Variants in RGS22 observed in about 807,000 individuals in gnomAD.
RGS22 encodes regulator of G protein signaling 22.
A neutral mutation model predicts 172.9 loss-of-function variants in RGS22; 148 were observed. The ratio of observed to expected loss-of-function variants is 0.86; its 90% CI spans 0.75 to 0.98. RGS22 has a LOEUF of 0.98. Among genes scored for constraint, RGS22 ranks in the 50% least tolerant of loss-of-function variants. The pLI, the probability that RGS22 is intolerant of heterozygous loss-of-function variation, is 0.00. For missense variants in RGS22, 1,347 were observed against 1,440.8 expected, an observed-to-expected ratio of 0.93 and a Z score of 1.05; for synonymous variants, 458 against 480.2, an observed-to-expected ratio of 0.95 and a Z score of 0.60.
At chr8:99,977,162 G>GGCAT (rs1365805555) in intron 23 of RGS22, among the ~76,000 whole-genome samples, 1 of 151,698 alleles carries the variant, frequency 6.6e-6, no homozygotes, top group Non-Finnish European at 1.5e-5. Flanking sequence ...AGAGTGTAGT[G>GGCAT]GCATAATCTT....
At chr8:100,047,646 A>C in intron 10 of RGS22, 50 bp from the exon 11 acceptor site, 1 of 1,515,220 alleles carries the variant, frequency 6.6e-7, no homozygotes, top group Non-Finnish European at 8.8e-7. Context: ...AAAAAAGCAC[A>C]GCTCTGCACC....
At chr8:100,010,740 A>T (rs1213932131) in intron 14 of RGS22, among the ~76,000 whole-genome samples, 1 of 152,158 alleles carries the variant, frequency 6.6e-6, no homozygotes, top group Non-Finnish European at 1.5e-5. Flanking sequence ...AATCCCTAGA[A>T]AAGACTCATT....
In RGS22 at chr8:100,041,480, ACT is replaced by A. The variant is rs535076287; in HGVS notation, c.1938+320_1938+321del. Among the ~76,000 whole-genome samples the A allele has an allele frequency of 2.1e-3, 264 of 127,194 alleles. 4 individuals are homozygous for A. Among genetic ancestry groups the A allele is most frequent in the Non-Finnish European group, 1.9e-3 (116 of 61,172 alleles). 83.4% of individuals were successfully genotyped at this position (127,194 alleles called of 152,430 possible). On this transcript the variant is annotated intron_variant, in intron 12 of 27. Coordinates refer to ENST00000360863, the MANE Select transcript of RGS22 (RefSeq NM_015668.5). ...ACTCCAGCCTGGGCAACAGAGCAAG[ACT>A]CTATCTCAAAAAAAAAAAAAAATTC...
chr8:100,084,257 C>G (rs771692783), intron 3 of RGS22, among the ~76,000 whole-genome samples: 5 of 152,148 alleles, frequency 3.3e-5, no homozygotes, highest in Non-Finnish European at 7.3e-5. Flanking sequence ...CTCCCTACAG[C>G]TACGATTTCA....
At chr8:100,064,228 G>A (rs1810377302) in intron 7 of RGS22, among the ~76,000 whole-genome samples, 185 bp from the exon 8 acceptor site, 1 of 152,162 alleles carries the variant, frequency 6.6e-6, no homozygotes, top group Non-Finnish European at 1.5e-5. Flanking sequence ...AGCACTTTGG[G>A]AGGCCATGGT....
intron 3 of RGS22, among the ~76,000 whole-genome samples, chr8:100,082,558 C>T (rs2131917276): frequency 6.6e-6 from 1 of 152,292 alleles, no homozygotes; most frequent in Non-Finnish European, 1.5e-5. Context: ...CTCTTGAATC[C>T]TTCCACATTC....
intron 15 of RGS22, among the ~76,000 whole-genome samples, chr8:100,008,147 C>G (rs938381315): frequency 2.6e-5 from 4 of 151,792 alleles, no homozygotes; most frequent in African/African-American, 9.7e-5. Context: ...AAGCAATTCT[C>G]CTGCCTCAGA....
intron 20 of RGS22, among the ~76,000 whole-genome samples, chr8:99,990,093 A>G (rs941844980): frequency 2.6e-5 from 4 of 152,148 alleles, no homozygotes; most frequent in African/African-American, 9.7e-5. Context: ...AGAAAAATAC[A>G]TACTTAAGGC....
chr8:100,098,880 T>C (rs1205226304), intron 2 of RGS22, among the ~76,000 whole-genome samples: 1 of 56,960 alleles, frequency 1.8e-5, no homozygotes, highest in African/African-American at 9.9e-5. Flanking sequence ...TATTTTATTT[T>C]ATTTTATTTT....
chr8:100,025,754 A>G (rs758326246), intron 14 of RGS22, among the ~76,000 whole-genome samples: 4 of 152,232 alleles, frequency 2.6e-5, no homozygotes, highest in Non-Finnish European at 5.9e-5. Flanking sequence ...CTTATGCCAT[A>G]AAGTTTTTTC....
intron 4 of RGS22, among the ~76,000 whole-genome samples, chr8:100,073,688 C>T (rs953514858): frequency 7.2e-5 from 11 of 152,086 alleles, no homozygotes; most frequent in African/African-American, 2.4e-4. Flanking sequence ...CAGAAAGATA[C>T]CAAACTACAT....
chr8:100,105,581 G>A (rs745393694), intron 1 of RGS22, 179 bp from the exon 2 acceptor site: 5 of 622,572 alleles, frequency 8.0e-6, no homozygotes, highest in African/African-American at 1.9e-5. Flanking sequence ...AGGTGGAAGT[G>A]GGAAGGAAAG....
At chr8:100,013,520 T>C (rs959531849) in intron 14 of RGS22, among the ~76,000 whole-genome samples, 3 of 152,226 alleles carry the variant, frequency 2.0e-5, no homozygotes, top group Admixed American at 6.5e-5. Context: ...TCTACTACTA[T>C]ATCTATACTA....
chr8:100,073,055 C>T lies in RGS22; in HGVS notation c.340-825G>A, dbSNP rs75058006. Among the ~76,000 whole-genome samples the T allele has an allele frequency of 3.0e-3, 460 of 152,276 alleles. 1 individual carries two copies. The highest frequency in any genetic ancestry group is 6.0e-3 in the Non-Finnish European group (405 of 68,002). ...AGTTACTGTTGTTCATCCTAAAATACTTACTCACTCTTGATTCTACTTTTT... is the reference window on the plus strand; with the variant it reads ...AGTTACTGTTGTTCATCCTAAAATATTTACTCACTCTTGATTCTACTTTTT... On this transcript the variant is annotated intron_variant, in intron 4 of 27. Coordinates refer to ENST00000360863, the MANE Select transcript of RGS22 (RefSeq NM_015668.5).
Position 100,014,711 on chromosome 8 carries a change from A to G in RGS22, c.2167-6142T>C, listed in dbSNP as rs570403493. 5.9e-5 allele frequency among the ~76,000 whole-genome samples: 9 copies of G among 152,244 alleles called. No individual in the cohort carries two copies. In the South Asian group the frequency reaches 1.7e-3, roughly 28 times the overall value. On this transcript the variant is annotated intron_variant, in intron 14 of 27. Transcript: ENST00000360863. ...AAAAGATGACACTCACTAAAGTTCT[A>G]TGCTCAACTACACCTTCTCAGTTCA...
At position 99,999,312 on chromosome 8, in the gene RGS22, G is replaced by A; in HGVS notation, c.2899C>T (p.Leu967=). Residue 967 remains leucine, a synonymous_variant, in exon 19 of 28, where the codon CTG becomes TTG. Coordinates refer to ENST00000360863, the MANE Select transcript of RGS22 (RefSeq NM_015668.5). The part of the protein sequence containing the change: ...HVQNRLENVW[L]PLFLASEQFA... ...TGTTCACTTGCAAGAAACAATGGCA[G>A]CCATACATTTTCTAGCCTATTTTGC... is the stretch of plus-strand genomic sequence containing the variant. 1 of 1,613,906 alleles carries A rather than the reference G, an allele frequency of 6.2e-7. No individual in the cohort carries two copies. The highest frequency in any genetic ancestry group is 1.1e-5 in the South Asian group (1 of 91,076).
At chr8:100,024,857 C>T (rs942903788) in intron 14 of RGS22, among the ~76,000 whole-genome samples, 1 of 151,866 alleles carries the variant, frequency 6.6e-6, no homozygotes, top group African/African-American at 2.4e-5. Context: ...TTAGGATTGT[C>T]TAGAATTAAA....
intron 21 of RGS22, 35 bp from the exon 22 acceptor site, chr8:99,982,151 A>C (rs774166375): frequency 1.3e-6 from 2 of 1,494,504 alleles, no homozygotes; most frequent in Non-Finnish European, 1.8e-6. Context: ...GTATATAATT[A>C]ATGCATTACC....
At chr8:99,991,146 C>T (rs969164779) in intron 20 of RGS22, among the ~76,000 whole-genome samples, 1 of 152,196 alleles carries the variant, frequency 6.6e-6, no homozygotes, top group African/African-American at 2.4e-5. Context: ...GATAAAACCA[C>T]AAAGATGGGG....
Sources: allele counts gnomAD v4.1 joint callset (sites outside exome capture counted in the v4.1 genomes callset), GRCh38; gene constraint gnomAD v4.1.1; transcripts MANE v1.5; gene names NCBI Gene and HGNC (gene_info 2026-07-23, HGNC 2026-07-21).